The following WDPCP variants were observed in gnomAD, a reference collection of about 807,000 sequenced individuals.
The protein encoded by WDPCP is WD repeat containing planar cell polarity effector.
Under a neutral mutation model 93.1 loss-of-function variants are expected in WDPCP, and 71 were observed. The ratio of observed to expected loss-of-function variants is 0.76; its 90% CI spans 0.63 to 0.93. The LOEUF is 0.93. Ranked by LOEUF, WDPCP falls within the 40% of genes least tolerant of loss-of-function variation. WDPCP has a pLI of 0.00. For missense variants in WDPCP, 844 were observed against 887.4 expected, an observed-to-expected ratio of 0.95 and a Z score of 0.62; for synonymous variants, 315 against 315.0, an observed-to-expected ratio of 1.00 and a Z score of 0.00.
At chr2:63,314,962 A>C (rs1331236691) in intron 12 of WDPCP, among the ~76,000 whole-genome samples, 3 of 152,188 alleles carry the variant, frequency 2.0e-5, no homozygotes, top group Non-Finnish European at 4.4e-5. Context: ...GTAATGATAG[A>C]CAGTAGATGG....
chr2:63,299,872 T>C (rs968092229), intron 13 of WDPCP, among the ~76,000 whole-genome samples: 1 of 152,148 alleles, frequency 6.6e-6, no homozygotes, highest in Non-Finnish European at 1.5e-5. Context: ...AAGAACAGCC[T>C]GCAAGCTGGG....
chr2:63,772,702 A>T (rs534225898), intron 2 of WDPCP, among the ~76,000 whole-genome samples: 1 of 152,218 alleles, frequency 6.6e-6, no homozygotes, highest in Admixed American at 6.6e-5. Flanking sequence ...AATTCAGTAG[A>T]TGCAGAAAAG....
At chr2:63,362,992 TAAG>T (rs1351027400) in intron 12 of WDPCP, among the ~76,000 whole-genome samples, 1 of 152,124 alleles carries the variant, frequency 6.6e-6, no homozygotes, top group Non-Finnish European at 1.5e-5. Flanking sequence ...ATTTTGAAAA[TAAG>T]AAAATACAAA....
At chr2:63,328,044 G>A (rs1321059790) in intron 12 of WDPCP, among the ~76,000 whole-genome samples, 2 of 152,184 alleles carry the variant, frequency 1.3e-5, no homozygotes, top group Non-Finnish European at 2.9e-5. Flanking sequence ...GTCCTGTTTA[G>A]AGAGGGGATT....
intron 12 of WDPCP, among the ~76,000 whole-genome samples, chr2:63,353,009 C>G (rs1485765880): frequency 6.6e-6 from 1 of 152,108 alleles, no homozygotes; most frequent in Admixed American, 6.5e-5. Flanking sequence ...TGGGACTAAT[C>G]AAGGAAACAA....
At chr2:63,200,314 T>C (rs1034744532) in intron 14 of WDPCP, among the ~76,000 whole-genome samples, 29 of 152,128 alleles carry the variant, frequency 1.9e-4, no homozygotes, top group Non-Finnish European at 7.4e-5. Context: ...AGAGCTACCA[T>C]ATGATTCAAC....
chr2:63,595,483 A>G, intron 3 of WDPCP: 1 of 1,613,140 alleles, frequency 6.2e-7, no homozygotes, highest in Non-Finnish European at 8.5e-7. Flanking sequence ...CGGTGTCCTA[A>G]TGGAACTGCA....
chr2:63,393,084 C>G (rs1693415982), intron 10 of WDPCP, among the ~76,000 whole-genome samples: 2 of 152,192 alleles, frequency 1.3e-5, no homozygotes, highest in African/African-American at 4.8e-5. Flanking sequence ...AAGACACATG[C>G]ACACATGTTT....
intron 8 of WDPCP, among the ~76,000 whole-genome samples, chr2:63,436,229 A>G (rs527458475): frequency 1.3e-5 from 2 of 152,210 alleles, no homozygotes; most frequent in South Asian, 4.1e-4. Flanking sequence ...GAATGCTAAT[A>G]CCATTTTTGT....
intron 3 of WDPCP, chr2:63,607,172 C>G (rs926054625): frequency 2.5e-6 from 1 of 398,460 alleles, no homozygotes; most frequent in Admixed American, 4.4e-5. Flanking sequence ...AGTGTGCATT[C>G]TAAATAAATA....
chr2:63,169,898 CT>C (rs572202471), intron 15 of WDPCP, among the ~76,000 whole-genome samples: 8,387 of 142,642 alleles, frequency 0.059, 300 homozygotes, highest in Non-Finnish European at 0.09. Flanking sequence ...TTTCAGTGGA[CT>C]TTTTTTTTTT....
At chr2:63,583,029 C>G (rs1708595448) in intron 1 of WDPCP, among the ~76,000 whole-genome samples, 1 of 152,120 alleles carries the variant, frequency 6.6e-6, no homozygotes, top group African/African-American at 2.4e-5. Flanking sequence ...AAGATATTTT[C>G]TCACTAAATC....
chr2:63,330,976 C>T (rs894602645), intron 12 of WDPCP, among the ~76,000 whole-genome samples: 1 of 150,128 alleles, frequency 6.7e-6, no homozygotes, highest in Admixed American at 6.7e-5. Flanking sequence ...GTTCAAGGAT[C>T]CTCCCACCTC....
chr2:63,523,584 C>G (rs1379954827), intron 1 of WDPCP, among the ~76,000 whole-genome samples: 1 of 152,182 alleles, frequency 6.6e-6, no homozygotes, highest in African/African-American at 2.4e-5. Context: ...GCTCCTTGAT[C>G]TGATAAACAA....
At chr2:63,657,396 C>T (rs1462210781) in intron 2 of WDPCP, among the ~76,000 whole-genome samples, 4 of 151,814 alleles carry the variant, frequency 2.6e-5, no homozygotes, top group African/African-American at 7.3e-5. Context: ...TTAGTAGAGA[C>T]GGGGTTTCAC....
At chr2:63,421,710 T>A (rs1427509161) in intron 9 of WDPCP, among the ~76,000 whole-genome samples, 3 of 152,010 alleles carry the variant, frequency 2.0e-5, no homozygotes, top group Admixed American at 2.0e-4. Flanking sequence ...AGTCCCCACA[T>A]AAAACAGACA....
chr2:63,742,167 A>C (rs914450238), intron 2 of WDPCP, among the ~76,000 whole-genome samples: 4 of 152,024 alleles, frequency 2.6e-5, no homozygotes, highest in East Asian at 3.9e-4. Context: ...ATCTTATTAC[A>C]GTGTAAGTGT....
intron 1 of WDPCP, among the ~76,000 whole-genome samples, chr2:63,826,632 T>C (rs1388746854): frequency 1.3e-5 from 2 of 152,170 alleles, no homozygotes; most frequent in African/African-American, 4.8e-5. Context: ...TTGGAAATAC[T>C]TACCTTACTC....
chr2:63,683,092 TACTC>T (rs1668742914), intron 2 of WDPCP, among the ~76,000 whole-genome samples: 1 of 151,982 alleles, frequency 6.6e-6, no homozygotes, highest in African/African-American at 2.4e-5. Context: ...ATACAACTGA[TACTC>T]AAGAAATAAA....
Sources: allele counts gnomAD v4.1 joint callset (sites outside exome capture counted in the v4.1 genomes callset), GRCh38; gene constraint gnomAD v4.1.1; transcripts MANE v1.5; gene names NCBI Gene and HGNC (gene_info 2026-07-23, HGNC 2026-07-21).